NEGR1: variants seen among roughly 807,000 people sequenced by gnomAD.
NEGR1 encodes IgLON family member 4.
In NEGR1, 10 loss-of-function variants were observed where a neutral mutation model predicts 40.9. The ratio of observed to expected loss-of-function variants is 0.24; its 90% CI spans 0.15 to 0.42. The LOEUF (loss-of-function observed/expected upper bound fraction) is 0.42, where lower values mean the gene tolerates loss of function less well. Among genes scored for constraint, NEGR1 ranks in the 10% least tolerant of loss-of-function variants. NEGR1 has a pLI of 1.00. For missense variants in NEGR1, 352 were observed against 438.9 expected (o/e 0.80, Z 1.77); for synonymous variants, 185 against 166.8 (o/e 1.11, Z -0.84).
At chr1:71,683,797 G>A (rs1486884557) in intron 4 of NEGR1, among the ~76,000 whole-genome samples, 1 of 144,914 alleles carries the variant, frequency 6.9e-6, no homozygotes, top group African/African-American at 2.6e-5. Flanking sequence ...TTAATTTTCA[G>A]GGGTTTGGGA....
rs199764932 is a variant in NEGR1, at chr1:71,647,609, T to C, written c.668-36463A>G. Among the ~76,000 whole-genome samples the C allele has an allele frequency of 2.6e-5, 4 of 151,968 alleles. No homozygotes were observed. In the East Asian group the frequency reaches 7.7e-4, roughly 29 times the overall value. ...CCTCCTCCCTCCTGACAAGCCACAG[T>C]GACCATTCAACGATTCAAGTGAGAG... is the stretch of plus-strand genomic sequence containing the variant. On this transcript the variant is annotated intron_variant, in intron 4 of 6. Coordinates refer to ENST00000357731, the MANE Select transcript of NEGR1 (RefSeq NM_173808.3).
intron 1 of NEGR1, among the ~76,000 whole-genome samples, chr1:72,212,562 T>C (rs1433170574): frequency 1.3e-5 from 2 of 152,022 alleles, no homozygotes; most frequent in African/African-American, 4.8e-5. Context: ...GCACTGCTTA[T>C]ATTCACCTTT....
chr1:71,931,361 T>C (rs1442768746), intron 2 of NEGR1, among the ~76,000 whole-genome samples: 1 of 152,150 alleles, frequency 6.6e-6, no homozygotes, highest in Admixed American at 6.6e-5. Context: ...TTAAACGTCA[T>C]GGAGAACTAA....
chr1:71,896,092 C>A (rs1660965529), intron 2 of NEGR1, among the ~76,000 whole-genome samples: 1 of 137,642 alleles, frequency 7.3e-6, no homozygotes, highest in Non-Finnish European at 1.5e-5. Flanking sequence ...GGCTGAAGTG[C>A]AGTGGCACAA....
At chr1:72,048,078 T>C (rs1041974690) in intron 1 of NEGR1, among the ~76,000 whole-genome samples, 1 of 151,604 alleles carries the variant, frequency 6.6e-6, no homozygotes, top group Non-Finnish European at 1.5e-5. Context: ...CTATCTCCAA[T>C]AGCCTTTCTA....
intron 6 of NEGR1, among the ~76,000 whole-genome samples, chr1:71,550,644 C>T (rs1310720187): frequency 6.6e-6 from 1 of 151,560 alleles, no homozygotes; most frequent in Non-Finnish European, 1.5e-5. Context: ...TGCACTAGCT[C>T]CTGAGACCAC....
intron 2 of NEGR1, among the ~76,000 whole-genome samples, chr1:71,933,578 T>G (rs575436796): frequency 6.6e-6 from 1 of 152,024 alleles, no homozygotes; most frequent in Non-Finnish European, 1.5e-5. Context: ...TAAGCTTGAA[T>G]AACATAAGAA....
chr1:71,479,968 T>G (rs1391166538), intron 6 of NEGR1, among the ~76,000 whole-genome samples: 1 of 151,966 alleles, frequency 6.6e-6, no homozygotes, highest in Non-Finnish European at 1.5e-5. Context: ...CATATAAATT[T>G]TACTTGGTTA....
At chr1:71,634,257 G>A (rs534933701) in intron 4 of NEGR1, among the ~76,000 whole-genome samples, 1 of 152,150 alleles carries the variant, frequency 6.6e-6, no homozygotes, top group African/African-American at 2.4e-5. Context: ...GGTGCAGCCT[G>A]AGCAAGCAGA....
intron 6 of NEGR1, among the ~76,000 whole-genome samples, chr1:71,410,950 T>C (rs1303271479): frequency 6.6e-6 from 1 of 152,164 alleles, no homozygotes; most frequent in Non-Finnish European, 1.5e-5. Flanking sequence ...AAATCCCATA[T>C]GACAAATTAA....
intron 2 of NEGR1, among the ~76,000 whole-genome samples, chr1:71,808,655 T>C (rs1411728893): frequency 1.3e-5 from 2 of 152,126 alleles, no homozygotes; most frequent in Non-Finnish European, 2.9e-5. Context: ...TAATACTAGT[T>C]CTGAAAGCAG....
intron 1 of NEGR1, among the ~76,000 whole-genome samples, chr1:72,198,010 T>C (rs1203064866): frequency 2.6e-5 from 4 of 152,068 alleles, no homozygotes; most frequent in Non-Finnish European, 5.9e-5. Flanking sequence ...GGCTTTTGTC[T>C]TGGAGAATAT....
At chr1:71,622,075 A>G (rs965537555) in intron 4 of NEGR1, among the ~76,000 whole-genome samples, 1 of 151,954 alleles carries the variant, frequency 6.6e-6, no homozygotes, top group African/African-American at 2.4e-5. Flanking sequence ...GTCCCCTTGT[A>G]GTCAGCAATG....
At chr1:71,517,494 G>A (rs1647126337) in intron 6 of NEGR1, among the ~76,000 whole-genome samples, 1 of 120,380 alleles carries the variant, frequency 8.3e-6, no homozygotes, top group Non-Finnish European at 1.7e-5. Context: ...TATCTCAATA[G>A]ATGCAGAAAA....
chr1:72,074,898 T>C (rs1046446436), intron 1 of NEGR1, among the ~76,000 whole-genome samples: 5 of 152,120 alleles, frequency 3.3e-5, no homozygotes, highest in African/African-American at 1.2e-4. Flanking sequence ...TTTCCTCTCT[T>C]AATGTTTCTA....
At chr1:71,595,891 T>C (rs563193317) in intron 5 of NEGR1, among the ~76,000 whole-genome samples, 7 of 152,288 alleles carry the variant, frequency 4.6e-5, no homozygotes, top group Admixed American at 6.5e-5. Flanking sequence ...AGCTCTCTAA[T>C]TGATGACATG....
At chr1:71,530,477 T>A (rs17091331) in intron 6 of NEGR1, among the ~76,000 whole-genome samples, 1 of 151,324 alleles carries the variant, frequency 6.6e-6, no homozygotes, top group Non-Finnish European at 1.5e-5. Flanking sequence ...ACATACTCTT[T>A]AAATCCTTGC....
At chr1:71,977,829 A>C (rs1570572648) in intron 1 of NEGR1, among the ~76,000 whole-genome samples, 1 of 151,692 alleles carries the variant, frequency 6.6e-6, no homozygotes, top group African/African-American at 2.4e-5. Context: ...AACAAAAAAA[A>C]AAAAGTAAAA....
intron 1 of NEGR1, among the ~76,000 whole-genome samples, chr1:72,140,164 A>G (rs1363629277): frequency 2.6e-5 from 4 of 152,090 alleles, no homozygotes; most frequent in Non-Finnish European, 2.9e-5. Flanking sequence ...ATGTCACTCT[A>G]TCAATTTCCT....
Sources: allele counts gnomAD v4.1 joint callset (sites outside exome capture counted in the v4.1 genomes callset), GRCh38; gene constraint gnomAD v4.1.1; transcripts MANE v1.5; gene names NCBI Gene and HGNC (gene_info 2026-07-23, HGNC 2026-07-21).